Variants in ZFHX3 observed in about 807,000 individuals in gnomAD.
ZFHX3 encodes the protein zinc finger homeobox 3.
ZFHX3 carries 42 observed loss-of-function variants against 279.1 expected under a neutral mutation model. The observed-to-expected ratio is 0.15, with a 90% CI of 0.12 to 0.19. The LOEUF is 0.19. ZFHX3 is among the 10% of genes least tolerant of loss of function. The pLI, the probability that ZFHX3 is intolerant of heterozygous loss-of-function variation, is 1.00. For synonymous variants in ZFHX3, 2,293 were observed against 1,957.8 expected (o/e 1.17, Z -4.52); for missense variants, 4,981 against 4,754.0 (o/e 1.05, Z -1.40).
chr16:73,737,545 G>A (rs146350486), intron 1 of ZFHX3, among the ~76,000 whole-genome samples: 270 of 152,116 alleles, frequency 1.8e-3, no homozygotes, highest in African/African-American at 6.1e-3. Context: ...CATGTATAAC[G>A]ATTAACAATT....
At chr16:72,828,290 G>A (rs191734469) in intron 5 of ZFHX3, among the ~76,000 whole-genome samples, 11 of 152,260 alleles carry the variant, frequency 7.2e-5, no homozygotes, top group East Asian at 1.9e-4. Flanking sequence ...TTTGTTGCCC[G>A]TCACATCATT....
At chr16:73,265,033 T>TATATATAA (rs766121124) in intron 4 of ZFHX3, among the ~76,000 whole-genome samples, 32 of 150,076 alleles carry the variant, frequency 2.1e-4, no homozygotes, top group South Asian at 4.2e-4. Context: ...TATATATATA[T>TATATATAA]AACACCTCAG....
chr16:73,530,672 A>G (rs1486008508), intron 2 of ZFHX3, among the ~76,000 whole-genome samples: 1 of 152,148 alleles, frequency 6.6e-6, no homozygotes, highest in Non-Finnish European at 1.5e-5. Flanking sequence ...GCAGGCTTTC[A>G]TTGATTAAGA....
intron 2 of ZFHX3, among the ~76,000 whole-genome samples, chr16:73,564,812 C>A (rs950626787): frequency 1.4e-4 from 22 of 152,204 alleles, no homozygotes; most frequent in African/African-American, 5.3e-4. Flanking sequence ...TTCCAAAATG[C>A]TGTCATCTCC....
intron 1 of ZFHX3, among the ~76,000 whole-genome samples, chr16:73,009,182 CCCTT>C (rs1444529412): frequency 1.3e-5 from 2 of 152,076 alleles, no homozygotes; most frequent in African/African-American, 2.4e-5. Context: ...CGTATCAACT[CCCTT>C]CCTTCCCACA....
intron 2 of ZFHX3, chr16:73,487,363 G>C: frequency 2.6e-6 from 1 of 390,642 alleles, no homozygotes; most frequent in Non-Finnish European, 5.1e-6. Flanking sequence ...ACTAAGGTCT[G>C]TTATAGCAAG....
Position 72,987,200 on chromosome 16 carries a change from T to A in ZFHX3, c.-49-27006A>T, listed in dbSNP as rs368972814. Among the ~76,000 whole-genome samples the A allele has an allele frequency of 9.9e-5, 15 of 152,212 alleles. No homozygotes were observed. The South Asian group carries it at 3.1e-3, about 32-fold the overall frequency. The stretch of plus-strand genomic sequence containing the variant: ...AACTCAAGTTTTAAGGAGAATTCAG[T>A]AGTCATTCCATCAGCAGCTAGAAGG... On this transcript the variant is annotated intron_variant, in intron 1 of 9. Coordinates refer to ENST00000268489, the MANE Select transcript of ZFHX3 (RefSeq NM_006885.4).
intron 4 of ZFHX3, among the ~76,000 whole-genome samples, chr16:72,863,537 C>G (rs111501971): frequency 1.3e-4 from 20 of 148,338 alleles, no homozygotes; most frequent in East Asian, 4.0e-4. Context: ...CAGAGACAGA[C>G]AGAGAGAGAG....
At chr16:73,442,416 T>C (rs1330443826) in intron 3 of ZFHX3, among the ~76,000 whole-genome samples, 5 of 152,122 alleles carry the variant, frequency 3.3e-5, no homozygotes, top group Middle Eastern at 6.8e-3. Context: ...TGGAGTGCTG[T>C]AGCACGATCA....
chr16:73,012,879 T>C (rs957487503), intron 1 of ZFHX3, among the ~76,000 whole-genome samples: 29 of 152,176 alleles, frequency 1.9e-4, no homozygotes, highest in African/African-American at 6.0e-4. Flanking sequence ...TTCAAATACA[T>C]AGTATCAGAG....
chr16:73,167,512 C>T (rs886953597), intron 5 of ZFHX3, among the ~76,000 whole-genome samples: 1 of 152,172 alleles, frequency 6.6e-6, no homozygotes, highest in Non-Finnish European at 1.5e-5. Flanking sequence ...TTAACTGTTT[C>T]AGTGCTGAAC....
At chr16:73,575,281 C>T (rs2051787803) in intron 2 of ZFHX3, among the ~76,000 whole-genome samples, 1 of 152,132 alleles carries the variant, frequency 6.6e-6, no homozygotes, top group Non-Finnish European at 1.5e-5. Flanking sequence ...CGACAGGTTC[C>T]CAAAAGTATT....
At chr16:73,599,228 C>T (rs544814163) in intron 2 of ZFHX3, among the ~76,000 whole-genome samples, 8 of 152,272 alleles carry the variant, frequency 5.3e-5, no homozygotes, top group South Asian at 2.1e-4. Context: ...CCATTAGCCA[C>T]GGGGGTGTCA....
intron 1 of ZFHX3, among the ~76,000 whole-genome samples, chr16:72,967,634 C>G (rs1350009174): frequency 6.6e-6 from 1 of 151,980 alleles, no homozygotes; most frequent in Non-Finnish European, 1.5e-5. Flanking sequence ...AGTTTGAATA[C>G]TTCCGGGAGC....
At chr16:73,081,928 C>A (rs1965951352) in intron 8 of ZFHX3, among the ~76,000 whole-genome samples, 1 of 151,668 alleles carries the variant, frequency 6.6e-6, no homozygotes, top group South Asian at 2.1e-4. Flanking sequence ...CCTCTGCCTC[C>A]CAGGTTCAAG....
chr16:72,882,172 CTTTTT>C (rs11298791), intron 4 of ZFHX3, among the ~76,000 whole-genome samples: 30 of 103,778 alleles, frequency 2.9e-4, no homozygotes, highest in Admixed American at 7.3e-4. Flanking sequence ...CCCCTTTTTC[CTTTTT>C]TTTTTTTTTT....
chr16:73,412,256 G>A (rs1266160420), intron 3 of ZFHX3, among the ~76,000 whole-genome samples: 1 of 151,154 alleles, frequency 6.6e-6, no homozygotes, highest in South Asian at 2.1e-4. Flanking sequence ...GAGCCTGGGA[G>A]GTCAAGGCTA....
At position 73,288,466 on chromosome 16, in the gene ZFHX3, T is replaced by C. The variant is rs143267780; in HGVS notation, c.-1194+29774A>G. ...TTGCACAGACCTGCCCCTGCACTGA[T>C]AGCTGAAGACGCTTTTCTTCACCTA... On this transcript the variant is annotated intron_variant, in intron 4 of 17. Coordinates refer to the ZFHX3 transcript ENST00000641206. 5.4e-4 allele frequency among the ~76,000 whole-genome samples: 82 copies of C among 152,276 alleles called. 2 individuals are homozygous for C. The highest frequency in any genetic ancestry group is 1.9e-3 in the African/African-American group (78 of 41,556).
At chr16:72,847,280 G>T (rs1292888161) in intron 4 of ZFHX3, among the ~76,000 whole-genome samples, 1 of 152,180 alleles carries the variant, frequency 6.6e-6, no homozygotes, top group Non-Finnish European at 1.5e-5. Context: ...TGTTGTAGAA[G>T]AAAGTCTGCT....
Sources: allele counts gnomAD v4.1 joint callset (sites outside exome capture counted in the v4.1 genomes callset), GRCh38; gene constraint gnomAD v4.1.1; transcripts MANE v1.5; gene names NCBI Gene and HGNC (gene_info 2026-07-23, HGNC 2026-07-21).